AIG1: variants seen among roughly 807,000 people sequenced by gnomAD.
AIG1 encodes the protein androgen induced 1.
In AIG1, 23 loss-of-function variants were observed where a neutral mutation model predicts 31.4. The ratio of observed to expected loss-of-function variants is 0.73; its 90% CI spans 0.53 to 1.04. AIG1 has a LOEUF of 1.04. Ranked by LOEUF, AIG1 falls within the 50% of genes least tolerant of loss-of-function variation. The probability of loss-of-function intolerance (pLI) is 0.00; values close to 1 mark genes in which losing one functional copy is unlikely to be tolerated. For missense variants in AIG1, 274 were observed against 295.0 expected (o/e 0.93, Z 0.52); for synonymous variants, 100 against 110.5 (o/e 0.90, Z 0.60).
downstream of AIG1, chr6:143,342,950 T>C: frequency 1.0e-6 from 1 of 971,594 alleles, no homozygotes; most frequent in Non-Finnish European, 1.7e-6. Flanking sequence ...TCCTTCAGTA[T>C]AGTGAACATT....
At chr6:143,212,620 T>C (rs1008764532) in intron 3 of AIG1, among the ~76,000 whole-genome samples, 1 of 152,200 alleles carries the variant, frequency 6.6e-6, no homozygotes, top group Non-Finnish European at 1.5e-5. Context: ...TAGCACTTCA[T>C]TCAGGCCTTC....
At chr6:143,341,567 T>A (rs1382468438), downstream of AIG1, among the ~76,000 whole-genome samples, 1 of 152,130 alleles carries the variant, frequency 6.6e-6, no homozygotes, top group Admixed American at 6.5e-5. Context: ...ACCAGGAATG[T>A]ACATACACAG....
chr6:143,118,486 A>T (rs1014342151), intron 1 of AIG1, among the ~76,000 whole-genome samples: 1 of 151,940 alleles, frequency 6.6e-6, no homozygotes, highest in Non-Finnish European at 1.5e-5. Flanking sequence ...ACTAAAATGG[A>T]TGTGTACATT....
At chr6:143,093,333 C>T (rs954952177) in intron 1 of AIG1, among the ~76,000 whole-genome samples, 2 of 152,158 alleles carry the variant, frequency 1.3e-5, no homozygotes, top group African/African-American at 4.8e-5. Context: ...ATGAATCGAC[C>T]TCTGCTAGCT....
chr6:143,204,478 G>A (rs1337323958), intron 3 of AIG1, among the ~76,000 whole-genome samples: 1 of 152,022 alleles, frequency 6.6e-6, no homozygotes, highest in Non-Finnish European at 1.5e-5. Context: ...CTTTTTATTG[G>A]CAGCTTATAG....
intron 3 of AIG1, among the ~76,000 whole-genome samples, chr6:143,200,373 G>A (rs895075301): frequency 1.3e-5 from 2 of 152,098 alleles, no homozygotes. Context: ...AAGATACTAT[G>A]AGTCACTGGT....
chr6:143,319,996 A>G (rs917010076), intron 4 of AIG1, among the ~76,000 whole-genome samples: 1 of 152,166 alleles, frequency 6.6e-6, no homozygotes, highest in South Asian at 2.1e-4. Context: ...CAAAATCTAT[A>G]AGGACATCAT....
Position 143,188,556 on chromosome 6 carries a change from A to G in AIG1, c.399+23373A>G. The G allele has an allele frequency of 3.0e-6, 3 of 985,378 alleles. No homozygotes were observed. The South Asian group carries it at 1.4e-4, about 46-fold the overall frequency. The allele number at this position is 985,378 out of a possible 1,614,324, so 61.0% of individuals were successfully genotyped here. ...GAGACAGTCCAAGTTTGGGGCAGTCAAGGTGGGACAGCAGAAGATTTCAGG... is the reference window on the plus strand; with the variant it reads ...GAGACAGTCCAAGTTTGGGGCAGTCGAGGTGGGACAGCAGAAGATTTCAGG... On this transcript the variant is annotated intron_variant, in intron 3 of 5. Coordinates refer to ENST00000357847, the MANE Select transcript of AIG1 (RefSeq NM_016108.4).
intron 1 of AIG1, among the ~76,000 whole-genome samples, chr6:143,110,333 T>A (rs1261844186): frequency 2.0e-5 from 3 of 152,206 alleles, no homozygotes; most frequent in Non-Finnish European, 2.9e-5. Flanking sequence ...AATTTTAGAA[T>A]CAGCTTGCCA....
chr6:143,089,044 C>G (rs1403294303), intron 1 of AIG1, among the ~76,000 whole-genome samples: 1 of 151,986 alleles, frequency 6.6e-6, no homozygotes, highest in Admixed American at 6.6e-5. Flanking sequence ...AACCCCATCT[C>G]TACTAAAAAT....
chr6:143,083,213 G>T (rs900719742), intron 1 of AIG1, among the ~76,000 whole-genome samples: 1 of 152,210 alleles, frequency 6.6e-6, no homozygotes. Flanking sequence ...GTTTAAAAGC[G>T]CTTGGGTGGC....
intron 1 of AIG1, among the ~76,000 whole-genome samples, chr6:143,071,402 A>G (rs1051083549): frequency 2.0e-5 from 3 of 152,226 alleles, no homozygotes; most frequent in African/African-American, 7.2e-5. Flanking sequence ...ACATTCATGC[A>G]GAGGTTTTTG....
intron 4 of AIG1, among the ~76,000 whole-genome samples, chr6:143,301,257 C>A (rs1798806840): frequency 6.6e-6 from 1 of 152,224 alleles, no homozygotes; most frequent in Non-Finnish European, 1.5e-5. Context: ...ATAATCAGTG[C>A]TCTTGTATAG....
chr6:143,216,180 C>T (rs141520370), intron 3 of AIG1, among the ~76,000 whole-genome samples: 2 of 152,266 alleles, frequency 1.3e-5, no homozygotes, highest in Middle Eastern at 3.4e-3. Flanking sequence ...AAAGGGTTTC[C>T]TTCAGTAGAC....
At chr6:143,061,147 T>TGG (rs1776216255) in intron 1 of AIG1, 81 bp downstream of exon 1, 1 of 1,419,352 alleles carries the variant, frequency 7.0e-7, no homozygotes, top group South Asian at 1.2e-5. Flanking sequence ...TGTGTGTGTG[T>TGG]GGATGCGCGA....
chr6:143,108,860 T>C lies in AIG1; in HGVS notation c.142-27975T>C, dbSNP rs555999571. Among the ~76,000 whole-genome samples, 9 of 152,308 alleles carry C rather than the reference T, an allele frequency of 5.9e-5. No homozygotes were observed. In the South Asian group the frequency reaches 1.9e-3, roughly 32 times the overall value. Reference sequence around the variant, plus strand: ...TTTTATTTTCAAAGCAAACCAGGTATACGGAGAAGTCTTATATGAACAGCT... The same window carrying C: ...TTTTATTTTCAAAGCAAACCAGGTACACGGAGAAGTCTTATATGAACAGCT... On this transcript the variant is annotated intron_variant, in intron 1 of 5. Transcript: ENST00000357847.
At chr6:143,314,184 TAAAAAA>T (rs35691634) in intron 4 of AIG1, among the ~76,000 whole-genome samples, 11 of 90,610 alleles carry the variant, frequency 1.2e-4, no homozygotes, top group African/African-American at 2.0e-4. Context: ...ACCCATCTCT[TAAAAAA>T]AAAAAAAAAA....
chr6:143,306,548 T>C (rs1034348771), intron 4 of AIG1, among the ~76,000 whole-genome samples: 12 of 152,240 alleles, frequency 7.9e-5, no homozygotes, highest in African/African-American at 2.9e-4. Context: ...TTCTGGCTTG[T>C]AGAGTTTCTG....
chr6:143,294,451 A>T (rs367822093), intron 4 of AIG1, among the ~76,000 whole-genome samples: 32 of 152,326 alleles, frequency 2.1e-4, no homozygotes, highest in African/African-American at 7.7e-4. Flanking sequence ...TGCTTCTGCC[A>T]TATGAACTGG....
Sources: allele counts gnomAD v4.1 joint callset (sites outside exome capture counted in the v4.1 genomes callset), GRCh38; gene constraint gnomAD v4.1.1; transcripts MANE v1.5; gene names NCBI Gene and HGNC (gene_info 2026-07-23, HGNC 2026-07-21).